The following GUCY2D variants were observed in gnomAD, a reference collection of about 807,000 sequenced individuals.
The protein encoded by GUCY2D is guanylate cyclase 2D, retinal.
A neutral mutation model predicts 101.3 loss-of-function variants in GUCY2D; 70 were observed. The observed-to-expected ratio is 0.69, with a 90% CI of 0.57 to 0.84. The LOEUF is 0.84. GUCY2D is among the 40% of genes least tolerant of loss of function. GUCY2D has a pLI of 0.00. For missense variants in GUCY2D, 1,460 were observed against 1,542.5 expected, an observed-to-expected ratio of 0.95 and a Z score of 0.90; for synonymous variants, 688 against 670.7, an observed-to-expected ratio of 1.03 and a Z score of -0.40.
chr17:8,007,504 C>A lies in GUCY2D; in HGVS notation c.1542C>A (p.His514Gln), dbSNP rs2151800915. Residue 514 changes from histidine (H) to glutamine (Q), a missense_variant, in exon 6 of 20, where the codon CAC becomes CAA. By Grantham distance (24) the His-to-Gln change is conservative. Coordinates refer to ENST00000254854, the MANE Select transcript of GUCY2D (RefSeq NM_000180.4). ...CCGTGGACGACATCACCTTTCTCCA[C>A]CCACATGGGGGCACCTCTCGAAAGG... ...ILTVDDITFL[H>Q]PHGGTSRKVA... The A allele has an allele frequency of 1.2e-6, 2 of 1,608,056 alleles. No individual in the cohort carries two copies. The highest frequency in any genetic ancestry group is 1.7e-6 in the Non-Finnish European group (2 of 1,174,496).
rs981785858 is a variant in GUCY2D at position 8,006,914 on chromosome 17, C to G, written c.1379-146C>G. 5.0e-5 allele frequency: 41 copies of G among 816,552 alleles called. No homozygotes were observed. The African/African-American group carries it at 5.9e-4, about 12-fold the overall frequency. 50.6% of individuals were successfully genotyped at this position (816,552 alleles called of 1,614,324 possible). A position where few individuals can be genotyped will look rare whatever the true frequency, so the allele number is the denominator to read the frequency against. ...ATTTTCTATCATTCCCAGCCTCTCC[C>G]CTTTGAGGAACTATGACCTACCCCT... On this transcript the variant is annotated intron_variant, in intron 4 of 19. Coordinates refer to ENST00000254854, the MANE Select transcript of GUCY2D (RefSeq NM_000180.4).
At chr17:8,006,986 G>A in intron 4 of GUCY2D, 74 bp from the exon 5 acceptor site, 1 of 1,235,002 alleles carries the variant, frequency 8.1e-7, no homozygotes, top group African/African-American at 1.5e-5. Context: ...GGGCCAGCAT[G>A]TGGCATGCCT....
intron 19 of GUCY2D, 191 bp downstream of exon 19, chr17:8,016,745 GA>G: frequency 1.7e-6 from 1 of 579,326 alleles, no homozygotes; most frequent in Non-Finnish European, 3.1e-6. Flanking sequence ...GAGTGGTTTG[GA>G]AATCCAGGCT....
chr17:8,004,042 C>A lies in GUCY2D; in HGVS notation c.912C>A (p.Ala304=), dbSNP rs534270598. Residue 304 remains alanine (A), a synonymous_variant, in exon 3 of 20, where the codon GCC becomes GCA. Coordinates refer to ENST00000254854, the MANE Select transcript of GUCY2D (RefSeq NM_000180.4). The stretch of plus-strand genomic sequence containing the variant: ...CCAACAGCTCCCAGCTTCGCAGGGC[C>A]CACGATGCCGTGCTCACCCTCACGC... ...ALANSSQLRR[A]HDAVLTLTRH... The A allele has an allele frequency of 2.4e-5, 39 of 1,610,814 alleles. No homozygotes were observed. Among genetic ancestry groups the A allele is most frequent in the African/African-American group, 2.3e-4 (17 of 75,044 alleles).
intron 3 of GUCY2D, among the ~76,000 whole-genome samples, chr17:8,004,485 T>C (rs1975703516): frequency 6.6e-6 from 1 of 152,140 alleles, no homozygotes; most frequent in Non-Finnish European, 1.5e-5. Flanking sequence ...ATACTTGGTG[T>C]TCTTGAAAGC....
In GUCY2D at chr17:8,012,230, G is replaced by A. The variant is rs1287364718; in HGVS notation, c.1836G>A (p.Glu612=). 3.1e-6 allele frequency: 5 copies of A among 1,613,954 alleles called. No individual in the cohort carries two copies. In the Admixed American group the frequency reaches 5.0e-5, roughly 16 times the overall value. Residue 612 remains glutamate, a synonymous_variant, in exon 9 of 20, where the codon GAG becomes GAA. Transcript: ENST00000254854. ...CAGAAGGCCCTGCGGCCCTCTGGGA[G>A]GGCAACCTGGCTGTGGTCTCAGAGC... ...RGAEGPAALW[E]GNLAVVSEHC... is the part of the protein sequence containing the mutation.
At chr17:8,016,994 C>T (rs1598152356) in intron 19 of GUCY2D, among the ~76,000 whole-genome samples, 1 of 152,198 alleles carries the variant, frequency 6.6e-6, no homozygotes, top group Admixed American at 6.5e-5. Context: ...CCCCTTTCCT[C>T]GACTCCCCTC....
Position 8,004,735 on chromosome 17 carries a change from G to A in GUCY2D, c.1026+579G>A, listed in dbSNP as rs186335397. On this transcript the variant is annotated intron_variant, in intron 3 of 19. Coordinates refer to ENST00000254854, the MANE Select transcript of GUCY2D (RefSeq NM_000180.4). Reference sequence around the variant, plus strand: ...GTTCAGATCATCTAACTTTACTCCCGCCACAAAGGGGGACTAGAAACCACT... The same window carrying A: ...GTTCAGATCATCTAACTTTACTCCCACCACAAAGGGGGACTAGAAACCACT... Among the ~76,000 whole-genome samples, 227 of 152,264 alleles carry A rather than the reference G, an allele frequency of 1.5e-3. 1 individual carries two copies. The highest frequency in any genetic ancestry group is 6.8e-3 in the Middle Eastern group (2 of 294).
chr17:8,003,859 C>T lies in GUCY2D; in HGVS notation c.729C>T (p.Ile243=). The T allele has an allele frequency of 6.2e-7, 1 of 1,612,224 alleles. No homozygotes were observed. The highest frequency in any genetic ancestry group is 8.5e-7 in the Non-Finnish European group (1 of 1,179,710). The change falls in exon 3 of 20, where the codon ATC becomes ATT. Residue 243 remains isoleucine (I), a synonymous_variant. Transcript: ENST00000254854. ...VRDGPRVTAV[I]MVMHSVLLGG... ...CCAAGCCTCTGTCCGCAGCAGTGAT[C>T]ATGGTGATGCACTCGGTGCTGCTGG...
Position 8,003,090 on chromosome 17 carries a change from G to A in GUCY2D, c.43G>A (p.Gly15Arg), listed in dbSNP as rs954746846. 2.3e-5 allele frequency: 35 copies of A among 1,524,646 alleles called. No homozygotes were observed. The highest frequency in any genetic ancestry group is 2.7e-5 in the Non-Finnish European group (31 of 1,142,584). The allele number at this position is 1,524,646 out of a possible 1,614,324, so 94.4% of individuals were successfully genotyped here. A position where few individuals can be genotyped will look rare whatever the true frequency, so the allele number is the denominator to read the frequency against. Reference protein sequence around the residue: ...ARRAGGLPDPGLCGPAWWAPS... With the variant: ...ARRAGGLPDPRLCGPAWWAPS... ...CCGAGCGGGTGGGCTTCCGGACCCC[G>A]GGCTCTGCGGTCCCGCGTGGTGGGC... Residue 15 changes from glycine (G) to arginine (R), a missense_variant, in exon 2 of 20, where the codon GGG (glycine) becomes AGG (arginine). By Grantham distance (125) the Gly-to-Arg change is moderately radical. Transcript: ENST00000254854.
intron 3 of GUCY2D, among the ~76,000 whole-genome samples, chr17:8,006,045 A>T (rs1387501492): frequency 1.3e-5 from 2 of 152,158 alleles, no homozygotes; most frequent in Non-Finnish European, 2.9e-5. Context: ...CAGGTGATGG[A>T]GAATTAGAAT....
chr17:8,008,928 C>T (rs1975796330), intron 7 of GUCY2D, among the ~76,000 whole-genome samples: 2 of 152,180 alleles, frequency 1.3e-5, no homozygotes, highest in African/African-American at 4.8e-5. Context: ...GCATAATTAG[C>T]GAGATCCAGG....
chr17:8,013,446 G>A lies in GUCY2D; in HGVS notation c.2263+194G>A. ...CAGGGTGGGGAGCGTGGTTCATTAGGTCCCAGACCACAACAGCTTCCTCTT... is the reference window on the plus strand; with the variant it reads ...CAGGGTGGGGAGCGTGGTTCATTAGATCCCAGACCACAACAGCTTCCTCTT... On this transcript the variant is annotated intron_variant, in intron 11 of 19. Transcript: ENST00000254854. This position sits in a 1 kb window ranked among gnomAD's most constrained non-coding sequence, Gnocchi z 5.0. The A allele has an allele frequency of 1.6e-6, 1 of 640,316 alleles. No homozygotes were observed. The highest frequency in any genetic ancestry group is 2.8e-6 in the Non-Finnish European group (1 of 354,846). The allele number at this position is 640,316 out of a possible 1,614,324, so 39.7% of individuals were successfully genotyped here. A position where few individuals can be genotyped will look rare whatever the true frequency, so the allele number is the denominator to read the frequency against.
intron 4 of GUCY2D, 138 bp from the exon 5 acceptor site, chr17:8,006,922 G>A: frequency 4.8e-6 from 4 of 833,096 alleles, no homozygotes; most frequent in South Asian, 4.3e-5. Context: ...CCCCTTTGAG[G>A]AACTATGACC....
chr17:8,008,066 G>T (rs1295517714), intron 7 of GUCY2D, 34 bp downstream of exon 7: 2 of 1,343,922 alleles, frequency 1.5e-6, no homozygotes, highest in South Asian at 1.2e-5. Flanking sequence ...GAGAGACAGT[G>T]GGGGAAGAAT....
rs753600757 is a variant in GUCY2D at position 8,016,014 on chromosome 17, A to C, written c.3131A>C (p.Glu1044Ala). 5 of 1,607,198 alleles carry C rather than the reference A, an allele frequency of 3.1e-6. No individual in the cohort carries two copies. The highest frequency in any genetic ancestry group is 4.2e-6 in the Non-Finnish European group (5 of 1,177,374). The change falls in exon 17 of 20, where the codon GAG (glutamate) becomes GCG (alanine). Residue 1044 changes from glutamate to alanine, a missense_variant. Glu to Ala is a moderately radical substitution (Grantham distance 107, BLOSUM62 -1). Coordinates refer to ENST00000254854, the MANE Select transcript of GUCY2D (RefSeq NM_000180.4). ...GYQVELRGRT[E>A]LKGKGAEDTF... ...CAGGTGGAGCTGCGAGGCCGCACGG[A>C]GCTGAAGGTGAGGCAGGGCCCCAAC...
rs890588604 is a variant in GUCY2D, at chr17:8,016,435, C to T, written c.3225-8C>T. 1.9e-6 allele frequency: 3 copies of T among 1,554,890 alleles called. No homozygotes were observed. The highest frequency in any genetic ancestry group is 2.7e-5 in the African/African-American group (2 of 73,686). ...CCCTTCCCTGAGGCCACCGCCCCCTCCTTGCAGGTCCAGCAACCACGGCAT... is the reference window on the plus strand; with the variant it reads ...CCCTTCCCTGAGGCCACCGCCCCCTTCTTGCAGGTCCAGCAACCACGGCAT... On this transcript the variant is annotated splice_polypyrimidine_tract_variant and splice_region_variant and intron_variant, in intron 18 of 19. Transcript: ENST00000254854.
chr17:8,016,325 G>T, intron 18 of GUCY2D, 35 bp downstream of exon 18: 1 of 1,486,128 alleles, frequency 6.7e-7, no homozygotes, highest in East Asian at 2.4e-5. Flanking sequence ...GGCGAGGGAC[G>T]AGGGACCCCT....
At position 8,002,952 on chromosome 17, in the gene GUCY2D, CG is replaced by C; in HGVS notation, c.-9-84del. 1 of 1,047,476 alleles carries C rather than the reference CG, an allele frequency of 9.5e-7. No individual in the cohort carries two copies. Among genetic ancestry groups the C allele is most frequent in the Non-Finnish European group, 1.4e-6 (1 of 732,022 alleles). 64.9% of individuals were successfully genotyped at this position (1,047,476 alleles called of 1,614,324 possible). ...CAGCAGAATCATCCCATGGGTTACTCGGGCTTGGAGAAACTCGGGGTTACGG... is the reference window on the plus strand; with the variant it reads ...CAGCAGAATCATCCCATGGGTTACTCGGCTTGGAGAAACTCGGGGTTACGG... On this transcript the variant is annotated intron_variant, in intron 1 of 19. Coordinates refer to ENST00000254854, the MANE Select transcript of GUCY2D (RefSeq NM_000180.4). The surrounding 1 kb of genome is among the most constrained non-coding windows in gnomAD (Gnocchi z 4.9).
Sources: gnomAD v4.1 joint callset for allele counts (sites outside exome capture counted in the v4.1 genomes callset) on GRCh38, gnomAD v4.1.1 for gene constraint, Gnocchi (gnomAD v3.1) non-coding constraint, MANE v1.5 for transcripts, NCBI Gene and HGNC (gene_info 2026-07-23, HGNC 2026-07-21) for gene names.